NLGN1: variants seen among roughly 807,000 people sequenced by gnomAD.
NLGN1 encodes the protein neuroligin 1, also known as neuroligin-1.
In NLGN1, 12 loss-of-function variants were observed where a neutral mutation model predicts 65.5. The ratio of observed to expected loss-of-function variants is 0.18; its 90% confidence interval spans 0.12 to 0.30. The LOEUF is 0.30. Ranked by LOEUF, NLGN1 falls within the 10% of genes least tolerant of loss-of-function variation. The pLI, the probability that NLGN1 is intolerant of heterozygous loss-of-function variation, is 1.00. For missense variants in NLGN1, 750 were observed against 1,007.1 expected (o/e 0.74, Z 3.46); for synonymous variants, 350 against 359.5 (o/e 0.97, Z 0.30).
chr3:174,151,912 A>G (rs1173035575), intron 4 of NLGN1, among the ~76,000 whole-genome samples: 1 of 151,898 alleles, frequency 6.6e-6, no homozygotes, highest in Non-Finnish European at 1.5e-5. Context: ...GTTTGCTGAG[A>G]AAAAAATATA....
intron 3 of NLGN1, among the ~76,000 whole-genome samples, chr3:173,785,750 A>G (rs1323034774): frequency 6.6e-6 from 1 of 152,106 alleles, no homozygotes; most frequent in South Asian, 2.1e-4. Context: ...TATTTACAGT[A>G]TTCTTACAAA....
chr3:173,743,024 G>A (rs1192853292), intron 3 of NLGN1, among the ~76,000 whole-genome samples: 1 of 152,054 alleles, frequency 6.6e-6, no homozygotes, highest in Non-Finnish European at 1.5e-5. Flanking sequence ...AATAACAACT[G>A]CATTGCTACA....
intron 2 of NLGN1, among the ~76,000 whole-genome samples, chr3:173,545,042 G>T (rs57591692): frequency 0.062 from 9,403 of 151,002 alleles, 925 homozygotes; most frequent in African/African-American, 0.22. Context: ...AAAGTTTTGT[G>T]TGTGTGTGTG....
At chr3:174,276,350 G>A (rs913609801) in intron 5 of NLGN1, among the ~76,000 whole-genome samples, 1 of 151,744 alleles carries the variant, frequency 6.6e-6, no homozygotes, top group Non-Finnish European at 1.5e-5. Context: ...TTATTAATTT[G>A]AAATTTCACA....
At chr3:174,195,191 C>G (rs1463856546) in intron 4 of NLGN1, among the ~76,000 whole-genome samples, 1 of 152,128 alleles carries the variant, frequency 6.6e-6, no homozygotes, top group Non-Finnish European at 1.5e-5. Flanking sequence ...ACAGTCATAG[C>G]TAGACCCAAA....
chr3:173,489,753 C>G (rs1344087542), intron 2 of NLGN1, among the ~76,000 whole-genome samples: 1 of 151,718 alleles, frequency 6.6e-6, no homozygotes, highest in Admixed American at 6.6e-5. Flanking sequence ...CCTGTTGTTT[C>G]CTGACTTTTT....
chr3:173,489,834 A>G (rs868216130), intron 2 of NLGN1, among the ~76,000 whole-genome samples: 1 of 152,078 alleles, frequency 6.6e-6, no homozygotes, highest in East Asian at 1.9e-4. Context: ...TCTGATGGCC[A>G]GTGATGATGA....
At chr3:174,170,330 A>C (rs1318767422) in intron 4 of NLGN1, among the ~76,000 whole-genome samples, 7 of 152,046 alleles carry the variant, frequency 4.6e-5, no homozygotes, top group Non-Finnish European at 8.8e-5. Flanking sequence ...TTTTCTAGGA[A>C]GTTTTAGTTT....
At chr3:173,648,566 T>C (rs1407960157) in intron 3 of NLGN1, among the ~76,000 whole-genome samples, 1 of 152,110 alleles carries the variant, frequency 6.6e-6, no homozygotes, top group Non-Finnish European at 1.5e-5. Context: ...ATTCTTCTTT[T>C]TCTTTTTTCT....
intron 3 of NLGN1, chr3:173,695,511 A>T: frequency 3.0e-6 from 1 of 328,428 alleles, no homozygotes; most frequent in Non-Finnish European, 6.0e-6. Flanking sequence ...TTTATTTATA[A>T]AACTAGACCA....
intron 3 of NLGN1, among the ~76,000 whole-genome samples, chr3:173,800,976 C>G (rs1418374539): frequency 6.6e-6 from 1 of 151,898 alleles, no homozygotes; most frequent in African/African-American, 2.4e-5. Context: ...CATTGTACAA[C>G]CATTTAAGTA....
chr3:173,836,588 A>G (rs990190181), intron 4 of NLGN1, among the ~76,000 whole-genome samples: 31 of 152,148 alleles, frequency 2.0e-4, no homozygotes, highest in African/African-American at 6.3e-4. Flanking sequence ...ATTTTCTTCA[A>G]CGGCTTCTTC....
intron 3 of NLGN1, among the ~76,000 whole-genome samples, chr3:173,629,178 T>C (rs1262011238): frequency 2.0e-5 from 3 of 152,100 alleles, no homozygotes; most frequent in African/African-American, 7.2e-5. Context: ...CTTTCTTTGG[T>C]CAGTCTTCTA....
At chr3:174,240,436 CT>C (rs1742574515) in intron 4 of NLGN1, among the ~76,000 whole-genome samples, 1 of 151,998 alleles carries the variant, frequency 6.6e-6, no homozygotes, top group Non-Finnish European at 1.5e-5. Context: ...AAGAGTCCTC[CT>C]TATAATAAGC....
At chr3:173,617,460 T>C (rs950037182) in intron 3 of NLGN1, among the ~76,000 whole-genome samples, 3 of 152,236 alleles carry the variant, frequency 2.0e-5, no homozygotes, top group African/African-American at 7.2e-5. Flanking sequence ...CATCTGCATT[T>C]ATTTGAGTAA....
At chr3:173,854,067 T>C (rs1727486761) in intron 4 of NLGN1, among the ~76,000 whole-genome samples, 1 of 152,028 alleles carries the variant, frequency 6.6e-6, no homozygotes, top group African/African-American at 2.4e-5. Context: ...CTCTTAAAAT[T>C]CAAACATCAA....
rs1412048489 is a variant in NLGN1, at chr3:174,175,757, CAGAGG to C, written c.647-99554_647-99550del. 3.2e-4 allele frequency among the ~76,000 whole-genome samples: 49 copies of C among 151,794 alleles called. 1 individual carries two copies. Among genetic ancestry groups the C allele is most frequent in the Admixed American group, 3.2e-3 (48 of 15,186 alleles). Reference sequence around the variant, plus strand: ...TTTTCAGAATGAGGAAAATTAGACTCAGAGGAGATTAAAAGATTTCCCCACGGTAA... The same window carrying C: ...TTTTCAGAATGAGGAAAATTAGACTCAGATTAAAAGATTTCCCCACGGTAA... On this transcript the variant is annotated intron_variant, in intron 4 of 6. Coordinates refer to ENST00000457714, the Ensembl canonical transcript of NLGN1.
intron 4 of NLGN1, among the ~76,000 whole-genome samples, chr3:173,921,224 T>C (rs963319274): frequency 1.4e-5 from 2 of 147,596 alleles, no homozygotes; most frequent in Non-Finnish European, 3.0e-5. Context: ...ATATATACTA[T>C]GCATGTATAA....
chr3:173,709,272 T>C (rs1768548479), intron 3 of NLGN1, among the ~76,000 whole-genome samples: 1 of 152,326 alleles, frequency 6.6e-6, no homozygotes, highest in East Asian at 1.9e-4. Context: ...GCAGTCACCC[T>C]TTTGTTCTTA....
Sources: gnomAD v4.1 joint callset for allele counts (sites outside exome capture counted in the v4.1 genomes callset) on GRCh38, gnomAD v4.1.1 for gene constraint, MANE v1.5 for transcripts, NCBI Gene and HGNC (gene_info 2026-07-23, HGNC 2026-07-21) for gene names.